Variants in ERAP1 observed in about 807,000 individuals in gnomAD.
ERAP1 encodes endoplasmic reticulum aminopeptidase 1.
A neutral mutation model predicts 103.7 loss-of-function variants in ERAP1; 86 were observed. The observed-to-expected ratio is 0.83, with a 90% CI of 0.70 to 0.99. ERAP1 has a LOEUF of 0.99. Among genes scored for constraint, ERAP1 ranks in the 50% least tolerant of loss-of-function variants. The probability of loss-of-function intolerance (pLI) is 0.00; values close to 1 mark genes in which losing one functional copy is unlikely to be tolerated. For synonymous variants in ERAP1, 398 were observed against 402.4 expected (o/e 0.99, Z 0.13); for missense variants, 1,009 against 1,128.4 (o/e 0.89, Z 1.52).
chr5:96,912,545 G>A, the ERAP1 span: 3 of 837,110 alleles, frequency 3.6e-6, no homozygotes, highest in Non-Finnish European at 5.5e-6. Flanking sequence ...AAGCAGTTCA[G>A]AGATTATTGT....
Position 96,800,860 on chromosome 5 carries a change from A to C in ERAP1, c.663+2T>G. Reference sequence around the variant, plus strand: ...AGAAAATACACAGGAGTGCAGACTCACCAATGGCATATTGGAGATGGCTAG... The same window carrying C: ...AGAAAATACACAGGAGTGCAGACTCCCCAATGGCATATTGGAGATGGCTAG... On this transcript the variant is annotated splice_donor_variant, in intron 3 of 18. Coordinates refer to ENST00000443439, the MANE Select transcript of ERAP1 (RefSeq NM_001040458.3). LOFTEE classifies it high-confidence loss of function. 1 of 1,614,106 alleles carries C rather than the reference A, an allele frequency of 6.2e-7. No individual in the cohort carries two copies. The highest frequency in any genetic ancestry group is 8.5e-7 in the Non-Finnish European group (1 of 1,179,958).
At chr5:96,832,933 G>A in the ERAP1 span, among the ~76,000 whole-genome samples, 2,890 of 152,282 alleles carry the variant, frequency 0.019, 48 homozygotes, top group Non-Finnish European at 0.031. Context: ...AGGTCATGAA[G>A]GTGGAGCCAT....
At chr5:96,806,604 C>T (rs1778618632) in intron 1 of ERAP1, among the ~76,000 whole-genome samples, 1 of 149,250 alleles carries the variant, frequency 6.7e-6, no homozygotes, top group African/African-American at 2.5e-5. Context: ...CCTGCTTTTT[C>T]AGCTTCACCA....
the ERAP1 span, among the ~76,000 whole-genome samples, chr5:96,878,400 C>CATA: frequency 2.1e-4 from 4 of 19,088 alleles, no homozygotes; most frequent in South Asian, 7.4e-3. Flanking sequence ...CAATGCCATT[C>CATA]GTAGTAATAA....
the ERAP1 span, among the ~76,000 whole-genome samples, chr5:96,892,033 T>C: frequency 6.6e-6 from 1 of 152,144 alleles, no homozygotes; most frequent in Non-Finnish European, 1.5e-5. Flanking sequence ...ATTTTCAGAG[T>C]TCAGCACTTT....
At chr5:96,838,437 AACATG>A in the ERAP1 span, among the ~76,000 whole-genome samples, 6 of 152,328 alleles carry the variant, frequency 3.9e-5, no homozygotes, top group African/African-American at 1.2e-4. Flanking sequence ...AGTTTTTGAT[AACATG>A]GTGGTTCAGA....
At chr5:96,852,805 A>C in the ERAP1 span, among the ~76,000 whole-genome samples, 36 of 152,342 alleles carry the variant, frequency 2.4e-4, no homozygotes, top group African/African-American at 8.2e-4. Flanking sequence ...AAGTACGTTG[A>C]TGAATATATT....
intron 3 of ERAP1, 22 bp from the exon 4 acceptor site, chr5:96,797,331 T>C (rs3822680): frequency 0.051 from 81,853 of 1,612,042 alleles, 3,072 homozygotes; most frequent in East Asian, 0.18. Context: ...ATAATTCAAA[T>C]TATCAAGTAA....
At chr5:96,870,559 A>T in the ERAP1 span, among the ~76,000 whole-genome samples, 1 of 152,120 alleles carries the variant, frequency 6.6e-6, no homozygotes, top group African/African-American at 2.4e-5. Flanking sequence ...ATAACATCCC[A>T]TAATGACCCC....
At chr5:96,915,922 G>C in the ERAP1 span, 3 of 557,788 alleles carry the variant, frequency 5.4e-6, no homozygotes, top group Non-Finnish European at 9.1e-6. Context: ...GGAAGGGACA[G>C]GATTAAAACC....
chr5:96,927,151 G>C, the ERAP1 span, among the ~76,000 whole-genome samples: 234 of 152,198 alleles, frequency 1.5e-3, 1 homozygote, highest in Non-Finnish European at 2.2e-3. Context: ...TAAGTTTTCT[G>C]GTCCTTTGGG....
the ERAP1 span, among the ~76,000 whole-genome samples, chr5:96,857,435 T>C: frequency 9.1e-4 from 138 of 152,194 alleles, 1 homozygote; most frequent in Non-Finnish European, 1.1e-3. Context: ...GCCTTGCCCA[T>C]AGAAAACTCT....
chr5:96,877,423 C>CA, the ERAP1 span, among the ~76,000 whole-genome samples: 79,409 of 151,910 alleles, frequency 0.52, 20,915 homozygotes, highest in South Asian at 0.61. Context: ...CAAGTGGGGG[C>CA]GAGCTACTCC....
the ERAP1 span, among the ~76,000 whole-genome samples, chr5:96,886,359 A>G: frequency 7.2e-5 from 11 of 152,258 alleles, no homozygotes; most frequent in Non-Finnish European, 1.2e-4. Context: ...ATTGCATTTT[A>G]AGAAAATAGA....
chr5:96,908,931 C>G, the ERAP1 span: 32 of 1,598,096 alleles, frequency 2.0e-5, no homozygotes, highest in Non-Finnish European at 2.7e-5. Flanking sequence ...AAGATATGCA[C>G]AAACCACTGA....
At chr5:96,806,203 T>A (rs554693918) in intron 1 of ERAP1, 1 of 152,204 alleles carries the variant, frequency 6.6e-6, no homozygotes, top group Non-Finnish European at 1.5e-5. Context: ...ATAGTAAGTG[T>A]TCCAGTTTGA....
the ERAP1 span, chr5:96,913,295 CA>C: frequency 1.2e-6 from 2 of 1,603,280 alleles, no homozygotes; most frequent in Non-Finnish European, 1.7e-6. Context: ...TATTTAGAAA[CA>C]AATTATTTTT....
chr5:96,879,929 G>T, the ERAP1 span: 1 of 1,614,064 alleles, frequency 6.2e-7, no homozygotes, highest in Non-Finnish European at 8.5e-7. Flanking sequence ...TGACCTCTTT[G>T]TCCACCCCAA....
chr5:96,798,199 C>T (rs1277427872), intron 3 of ERAP1, among the ~76,000 whole-genome samples: 2 of 151,750 alleles, frequency 1.3e-5, no homozygotes, highest in Non-Finnish European at 2.9e-5. Flanking sequence ...GTGGCAGGTG[C>T]CTGTAGTCCC....
Sources: gnomAD v4.1 joint callset for allele counts (sites outside exome capture counted in the v4.1 genomes callset) on GRCh38, gnomAD v4.1.1 for gene constraint, MANE v1.5 for transcripts, NCBI Gene and HGNC (gene_info 2026-07-23, HGNC 2026-07-21) for gene names.